Variants in PRKG1 observed in about 807,000 individuals in gnomAD.
PRKG1 encodes the protein protein kinase cGMP-dependent 1, also known as cGMP-dependent protein kinase 1.
Under a neutral mutation model 88.1 loss-of-function variants are expected in PRKG1, and 35 were observed. The ratio of observed to expected loss-of-function variants is 0.40; its 90% CI spans 0.30 to 0.53. The LOEUF is 0.53. Among genes scored for constraint, PRKG1 ranks in the 20% least tolerant of loss-of-function variants. The pLI is 0.59. For missense variants in PRKG1, 540 were observed against 839.8 expected (o/e 0.64, Z 4.41); for synonymous variants, 303 against 292.5 (o/e 1.04, Z -0.37).
At chr10:52,122,074 CTT>C (rs1258026480) in intron 7 of PRKG1, among the ~76,000 whole-genome samples, 1 of 152,216 alleles carries the variant, frequency 6.6e-6, no homozygotes, top group Non-Finnish European at 1.5e-5. Context: ...ACTTGTTATA[CTT>C]TGAGACACTG....
intron 2 of PRKG1, among the ~76,000 whole-genome samples, chr10:51,225,497 T>A (rs1268720891): frequency 6.6e-6 from 1 of 152,236 alleles, no homozygotes. Flanking sequence ...TGTTTGCTGA[T>A]TTGCTTGTTT....
Position 52,239,783 on chromosome 10 carries a change from G to A in PRKG1, c.1077-11787G>A, listed in dbSNP as rs959207345. Among the ~76,000 whole-genome samples, 9 of 152,042 alleles carry A rather than the reference G, an allele frequency of 5.9e-5. No individual in the cohort carries two copies. In the East Asian group the frequency reaches 1.4e-3, roughly 23 times the overall value. ...GGTTTTTTTCCCAAACTTCTGTAAC[G>A]AGTGATGGATATGCTCAGAGAAGCA... On this transcript the variant is annotated intron_variant, in intron 9 of 17. Coordinates refer to ENST00000373980, the MANE Select transcript of PRKG1 (RefSeq NM_006258.4).
At chr10:51,495,650 G>C (rs1046972276) in intron 3 of PRKG1, among the ~76,000 whole-genome samples, 1 of 152,178 alleles carries the variant, frequency 6.6e-6, no homozygotes, top group Non-Finnish European at 1.5e-5. Flanking sequence ...CATTGACTAA[G>C]ATATCAAATG....
chr10:51,116,166 G>A (rs1432742803), intron 1 of PRKG1, among the ~76,000 whole-genome samples: 4 of 152,156 alleles, frequency 2.6e-5, no homozygotes, highest in Admixed American at 6.5e-5. Context: ...AATAACAAAT[G>A]TGAGGTCAGT....
intron 3 of PRKG1, among the ~76,000 whole-genome samples, chr10:51,627,929 T>TTCCTTCCCTTCCTTCCCTTCCTTC: frequency 2.4e-5 from 1 of 41,636 alleles, no homozygotes; most frequent in African/African-American, 6.2e-5. Context: ...TCCCTTCCTT[T>TTCCTTCCCTTCCTTCCCTTCCTTC]CTTCCTTCCT....
rs74441928 is a variant in PRKG1 at position 51,038,635 on chromosome 10, A to C, written c.266+46991A>C. Among the ~76,000 whole-genome samples, 1,208 of 152,256 alleles carry C rather than the reference A, an allele frequency of 7.9e-3. 65 individuals are homozygous for C. In the East Asian group the frequency reaches 0.15, roughly 19 times the overall value. Reference sequence around the variant, plus strand: ...ACTTGACATAATGTCCTCCAGTTCTATCCATGTTCTTGCAAATGACTGGAT... The same window carrying C: ...ACTTGACATAATGTCCTCCAGTTCTCTCCATGTTCTTGCAAATGACTGGAT... On this transcript the variant is annotated intron_variant, in intron 1 of 17. Transcript: ENST00000401604.
intron 1 of PRKG1, among the ~76,000 whole-genome samples, chr10:51,036,447 G>T (rs1429877635): frequency 6.6e-6 from 1 of 152,100 alleles, no homozygotes; most frequent in African/African-American, 2.4e-5. Flanking sequence ...GGGATATGAA[G>T]CTTGGGGTGA....
chr10:51,134,668 A>G (rs921480292), intron 1 of PRKG1, among the ~76,000 whole-genome samples: 5 of 152,126 alleles, frequency 3.3e-5, no homozygotes, highest in African/African-American at 9.7e-5. Flanking sequence ...ACAGAGAACT[A>G]TTTTTGAACA....
At chr10:51,695,533 T>C (rs1841266286) in intron 3 of PRKG1, 1 of 152,202 alleles carries the variant, frequency 6.6e-6, no homozygotes, top group Non-Finnish European at 1.5e-5. Flanking sequence ...ATGCAGAGAT[T>C]TGACTAAAGA....
At chr10:51,435,972 CAA>C (rs1220029924) in intron 2 of PRKG1, among the ~76,000 whole-genome samples, 4 of 151,750 alleles carry the variant, frequency 2.6e-5, no homozygotes, top group Middle Eastern at 3.2e-3. Context: ...GTTGATGGGG[CAA>C]AGATAACCTT....
chr10:51,301,449 A>T (rs568231916), intron 2 of PRKG1, among the ~76,000 whole-genome samples: 3 of 152,174 alleles, frequency 2.0e-5, no homozygotes, highest in African/African-American at 7.2e-5. Flanking sequence ...AGGGGAAAAA[A>T]TATACAAAAC....
At chr10:51,474,345 G>T (rs1413231140) in intron 3 of PRKG1, among the ~76,000 whole-genome samples, 1 of 151,836 alleles carries the variant, frequency 6.6e-6, no homozygotes, top group Non-Finnish European at 1.5e-5. Context: ...TACTTCTATT[G>T]GTCTGAGGAC....
intron 1 of PRKG1, among the ~76,000 whole-genome samples, chr10:51,109,680 C>T (rs184491573): frequency 3.9e-5 from 6 of 152,072 alleles, no homozygotes; most frequent in East Asian, 1.9e-4. Context: ...CAAAACTTAG[C>T]GCACTTGGGT....
chr10:51,146,062 G>T (rs1189056577), intron 1 of PRKG1, among the ~76,000 whole-genome samples: 1 of 152,006 alleles, frequency 6.6e-6, no homozygotes, highest in Non-Finnish European at 1.5e-5. Flanking sequence ...GGTGGCAGGT[G>T]CCTGCAGCCC....
chr10:51,410,458 A>G (rs1564482419), intron 2 of PRKG1, among the ~76,000 whole-genome samples: 1 of 152,096 alleles, frequency 6.6e-6, no homozygotes, highest in East Asian at 1.9e-4. Flanking sequence ...TGTAGGGCTG[A>G]GGGGCTAGGT....
intron 12 of PRKG1, among the ~76,000 whole-genome samples, chr10:52,279,943 G>T (rs1260327254): frequency 6.6e-6 from 1 of 151,546 alleles, no homozygotes; most frequent in African/African-American, 2.4e-5. Context: ...AAGTTAAGAC[G>T]TTCTGCCCTA....
At chr10:51,416,249 C>T (rs886437611) in intron 2 of PRKG1, among the ~76,000 whole-genome samples, 30 of 152,056 alleles carry the variant, frequency 2.0e-4, no homozygotes, top group Non-Finnish European at 1.2e-4. Context: ...TGAAATAAAT[C>T]ATTTTATCAT....
chr10:51,068,436 C>A (rs1176760437), intron 1 of PRKG1: 1 of 151,976 alleles, frequency 6.6e-6, no homozygotes, highest in Admixed American at 6.6e-5. Context: ...ATTCAATTCA[C>A]CCAAATTTCT....
chr10:51,608,764 G>C (rs1217202552), intron 3 of PRKG1, among the ~76,000 whole-genome samples: 1 of 152,150 alleles, frequency 6.6e-6, no homozygotes, highest in Non-Finnish European at 1.5e-5. Context: ...TCAGTATGGT[G>C]ATAGTGCCAT....
Sources: allele counts gnomAD v4.1 joint callset (sites outside exome capture counted in the v4.1 genomes callset), GRCh38; gene constraint gnomAD v4.1.1; transcripts MANE v1.5; gene names NCBI Gene and HGNC (gene_info 2026-07-23, HGNC 2026-07-21).